MARVELD3: variants seen among roughly 807,000 people sequenced by gnomAD.
MARVELD3 encodes the protein MARVEL domain containing 3.
MARVELD3 carries 28 observed loss-of-function variants against 33.5 expected under a neutral mutation model. The ratio of observed to expected loss-of-function variants is 0.84; its 90% confidence interval spans 0.62 to 1.15. MARVELD3 has a LOEUF of 1.15. Among genes scored for constraint, MARVELD3 ranks in the 50% most tolerant of loss-of-function variants. The pLI, the probability that MARVELD3 is intolerant of heterozygous loss-of-function variation, is 0.00. For missense variants in MARVELD3, 582 were observed against 547.6 expected, an observed-to-expected ratio of 1.06 and a Z score of -0.63; for synonymous variants, 241 against 230.4, an observed-to-expected ratio of 1.05 and a Z score of -0.42.
chr16:71,633,438 G>A (rs1597076868), intron 2 of MARVELD3, among the ~76,000 whole-genome samples: 1 of 152,162 alleles, frequency 6.6e-6, no homozygotes, highest in African/African-American at 2.4e-5. Flanking sequence ...GTGTCGCCCA[G>A]GCTAGAATGC....
At position 71,626,295 on chromosome 16, in the gene MARVELD3, C is replaced by T. The variant is rs780127904; in HGVS notation, c.66C>T (p.Arg22=). Residue 22 remains arginine, a synonymous_variant, in exon 1 of 3, where the codon CGC becomes CGT. Coordinates refer to ENST00000268485, the MANE Select transcript of MARVELD3 (RefSeq NM_052858.6). The surrounding 1 kb of genome is among the most constrained non-coding windows in gnomAD (Gnocchi z 5.3). ...CGAGAGAGCGGGACCCGGGACGGCG[C>T]CCCCACCCAGACCAAGGCCGCACCC... The part of the protein sequence containing the change: ...ARPRERDPGR[R]PHPDQGRTHD... The T allele has an allele frequency of 1.9e-6, 3 of 1,546,006 alleles. No individual in the cohort carries two copies. Among genetic ancestry groups the T allele is most frequent in the African/African-American group, 1.4e-5 (1 of 72,870 alleles).
intron 2 of MARVELD3, 199 bp downstream of exon 2, chr16:71,629,693 T>C (rs886574100): frequency 3.6e-6 from 2 of 549,542 alleles, no homozygotes; most frequent in Non-Finnish European, 5.9e-6. Flanking sequence ...GCTGCTAGAT[T>C]TCCTGTGCTT....
At chr16:71,630,676 CAT>C (rs1262598323) in intron 2 of MARVELD3, among the ~76,000 whole-genome samples, 1 of 150,698 alleles carries the variant, frequency 6.6e-6, no homozygotes, top group African/African-American at 2.4e-5. Context: ...TATACACACA[CAT>C]AATATATTCA....
At chr16:71,630,012 A>T in intron 2 of MARVELD3, among the ~76,000 whole-genome samples, 1 of 150,574 alleles carries the variant, frequency 6.6e-6, no homozygotes. Context: ...AAGGCCCAGG[A>T]GGGAGGATCA....
chr16:71,628,469 G>A (rs1331811178), intron 1 of MARVELD3, among the ~76,000 whole-genome samples: 4 of 151,910 alleles, frequency 2.6e-5, no homozygotes, highest in Admixed American at 1.3e-4. Flanking sequence ...CCTGGGAGGC[G>A]GAGGTTGCAG....
At chr16:71,634,053 G>A (rs1258742999) in intron 2 of MARVELD3, 140 bp from the exon 3 acceptor site, 11 of 1,344,636 alleles carry the variant, frequency 8.2e-6, no homozygotes, top group Middle Eastern at 5.4e-4. Flanking sequence ...AGTTTTAATC[G>A]CGCTGCTTTG....
chr16:71,637,769 C>T (rs1372334607), downstream of MARVELD3: 1 of 152,160 alleles, frequency 6.6e-6, no homozygotes, highest in Non-Finnish European at 1.5e-5. Context: ...TAAATTTATC[C>T]CATTCTTTAT....
At chr16:71,629,188 G>T in intron 1 of MARVELD3, 179 bp from the exon 2 acceptor site, 1 of 627,324 alleles carries the variant, frequency 1.6e-6, no homozygotes, top group Non-Finnish European at 2.5e-6. Flanking sequence ...GCTGGGCCAA[G>T]TATTTGGATG....
In MARVELD3 at chr16:71,626,667, G is replaced by T; in HGVS notation, c.438G>T (p.Lys146Asn). 1 of 1,516,938 alleles carries T rather than the reference G, an allele frequency of 6.6e-7. No individual in the cohort carries two copies. 94.0% of individuals were successfully genotyped at this position (1,516,938 alleles called of 1,614,324 possible). ...EAPEPPQPQR[K>N]GDPGRRRPES... ...CGGAGCCGCCGCAGCCGCAGAGGAA[G>T]GGAGACCCCGGGCGCCGCAGACCCG... Residue 146 changes from lysine to asparagine, a missense_variant, in exon 1 of 3, where the codon AAG becomes AAT. Physicochemically the swap from Lys to Asn is moderately conservative, Grantham distance 94. Coordinates refer to ENST00000268485, the MANE Select transcript of MARVELD3 (RefSeq NM_052858.6). The surrounding 1 kb of genome is among the most constrained non-coding windows in gnomAD (Gnocchi z 5.3).
chr16:71,633,908 C>G (rs2044556466), intron 2 of MARVELD3, among the ~76,000 whole-genome samples: 1 of 152,074 alleles, frequency 6.6e-6, no homozygotes, highest in African/African-American at 2.4e-5. Context: ...TGTTCCTGCT[C>G]ACTGGCCTGA....
At chr16:71,637,979 A>C (rs961469372), downstream of MARVELD3, 6 of 152,124 alleles carry the variant, frequency 3.9e-5, no homozygotes, top group African/African-American at 1.4e-4. Context: ...ACTTAGCTTC[A>C]TTTGTCATAT....
At chr16:71,633,944 C>G (rs2044556845) in intron 2 of MARVELD3, among the ~76,000 whole-genome samples, 1 of 152,156 alleles carries the variant, frequency 6.6e-6, no homozygotes, top group South Asian at 2.1e-4. Flanking sequence ...TCCTGCCGCT[C>G]TCTCAGGGCA....
At chr16:71,640,669 G>C, downstream of MARVELD3, 2 of 1,614,240 alleles carry the variant, frequency 1.2e-6, no homozygotes, top group African/African-American at 1.3e-5. Context: ...GCCAAGAGTC[G>C]AACAATGTTG....
rs1250814836 is a variant in MARVELD3 at position 71,626,658 on chromosome 16, G to T, written c.429G>T (p.Pro143=). ...APWEAPEPPQ[P]QRKGDPGRRR... ...GGGAAGCCCCGGAGCCGCCGCAGCC[G>T]CAGAGGAAGGGAGACCCCGGGCGCC... Residue 143 remains proline (P), a synonymous_variant, in exon 1 of 3, where the codon CCG becomes CCT. Transcript: ENST00000268485. This position sits in a 1 kb window ranked among gnomAD's most constrained non-coding sequence, Gnocchi z 5.3. The T allele has an allele frequency of 1.3e-6, 2 of 1,531,258 alleles. No homozygotes were observed. Among genetic ancestry groups the T allele is most frequent in the Admixed American group, 4.0e-5 (2 of 50,150 alleles). The allele number at this position is 1,531,258 out of a possible 1,614,324, so 94.9% of individuals were successfully genotyped here. A position where few individuals can be genotyped will look rare whatever the true frequency, so the allele number is the denominator to read the frequency against.
At chr16:71,629,249 A>G (rs1567603785) in intron 1 of MARVELD3, 118 bp from the exon 2 acceptor site, 1 of 1,191,232 alleles carries the variant, frequency 8.4e-7, no homozygotes, top group South Asian at 1.9e-5. Context: ...AAATACCGGG[A>G]CAAATTCTAT....
At position 71,634,512 on chromosome 16, in the gene MARVELD3, C is replaced by G. The variant is rs368366055; in HGVS notation, c.915C>G (p.Thr305=). 2.8e-5 allele frequency: 45 copies of G among 1,614,078 alleles called. No homozygotes were observed. The highest frequency in any genetic ancestry group is 4.4e-5 in the South Asian group (4 of 91,094). ...VPWHCPLLLV[T]EGLLDMLIAG... is the part of the protein sequence containing the mutation. ...GGCATTGTCCACTGTTGCTGGTGAC[C>G]GAAGGCTTGTTGGACATGCTCATCG... The change falls in exon 3 of 3, where the codon ACC becomes ACG. Residue 305 remains threonine, a synonymous_variant. Transcript: ENST00000268485.
chr16:71,629,565 T>A (rs771751919), intron 2 of MARVELD3, 71 bp downstream of exon 2: 1 of 1,458,058 alleles, frequency 6.9e-7, no homozygotes, highest in Non-Finnish European at 9.0e-7. Context: ...TCTGAGCTGG[T>A]GAAGCAAAAA....
downstream of MARVELD3, chr16:71,641,044 A>C: frequency 6.3e-7 from 1 of 1,584,444 alleles, no homozygotes; most frequent in Non-Finnish European, 8.6e-7. Context: ...CCGGAACCTA[A>C]ATGTGAACGC....
downstream of MARVELD3, chr16:71,640,703 GGCC>G (rs1260595977): frequency 3.1e-6 from 5 of 1,614,124 alleles, no homozygotes; most frequent in East Asian, 2.2e-5. Context: ...TCCTCACGGA[GGCC>G]GCCTTCAGCC....
Sources: allele counts gnomAD v4.1 joint callset (sites outside exome capture counted in the v4.1 genomes callset), GRCh38; gene constraint gnomAD v4.1.1; non-coding constraint Gnocchi (gnomAD v3.1); transcripts MANE v1.5; gene names NCBI Gene and HGNC (gene_info 2026-07-23, HGNC 2026-07-21).